The following HTR1F variants were observed in gnomAD, a reference collection of about 807,000 sequenced individuals.
HTR1F encodes 5-hydroxytryptamine receptor 1F.
HTR1F carries 17 observed loss-of-function variants against 24.0 expected under a neutral mutation model. The ratio of observed to expected loss-of-function variants is 0.71; its 90% CI spans 0.48 to 1.06. The LOEUF is 1.06. Ranked by LOEUF, HTR1F falls within the 50% of genes least tolerant of loss-of-function variation. The pLI is 0.00. For missense variants in HTR1F, 391 were observed against 427.8 expected (o/e 0.91, Z 0.76); for synonymous variants, 186 against 156.8 (o/e 1.19, Z -1.39).
intron 2 of HTR1F, among the ~76,000 whole-genome samples, chr3:87,877,079 T>C (rs1705687074): frequency 6.6e-6 from 1 of 152,142 alleles, no homozygotes. Flanking sequence ...ATAGGGTCAT[T>C]CTATTTATTT....
At chr3:87,977,224 C>T (rs1487770590) in intron 2 of HTR1F, among the ~76,000 whole-genome samples, 3 of 152,082 alleles carry the variant, frequency 2.0e-5, no homozygotes, top group East Asian at 1.9e-4. Flanking sequence ...CTATTATCAA[C>T]ATTAACCACA....
intron 2 of HTR1F, among the ~76,000 whole-genome samples, chr3:87,934,944 C>T (rs987250964): frequency 3.3e-5 from 5 of 152,188 alleles, no homozygotes; most frequent in African/African-American, 1.2e-4. Context: ...CAGCTCACTG[C>T]AGCCTTGACC....
chr3:87,862,003 T>G (rs532979991), intron 2 of HTR1F, among the ~76,000 whole-genome samples: 1 of 152,248 alleles, frequency 6.6e-6, no homozygotes, highest in South Asian at 2.1e-4. Context: ...CACAATCAAA[T>G]GTTATAACTT....
chr3:87,883,256 AC>A (rs1173469223), intron 2 of HTR1F, among the ~76,000 whole-genome samples: 1 of 152,194 alleles, frequency 6.6e-6, no homozygotes, highest in East Asian at 1.9e-4. Flanking sequence ...AAACTAACAA[AC>A]AGAAAGGAAT....
chr3:87,921,231 T>C (rs927591596), intron 2 of HTR1F, among the ~76,000 whole-genome samples: 1 of 152,016 alleles, frequency 6.6e-6, no homozygotes, highest in African/African-American at 2.4e-5. Flanking sequence ...TAATTGAACA[T>C]GACAGGGCAT....
chr3:87,824,936 C>A (rs1197941119), intron 2 of HTR1F, among the ~76,000 whole-genome samples: 1 of 152,138 alleles, frequency 6.6e-6, no homozygotes, highest in Non-Finnish European at 1.5e-5. Flanking sequence ...CCCTCTCTAG[C>A]TTCTGAATTT....
intron 2 of HTR1F, among the ~76,000 whole-genome samples, chr3:87,927,985 T>G (rs1704167988): frequency 6.6e-6 from 1 of 152,072 alleles, no homozygotes; most frequent in Non-Finnish European, 1.5e-5. Flanking sequence ...AACAAATGAT[T>G]TCATAAATCA....
At chr3:87,927,382 A>G (rs1704151681) in intron 2 of HTR1F, among the ~76,000 whole-genome samples, 1 of 152,196 alleles carries the variant, frequency 6.6e-6, no homozygotes, top group African/African-American at 2.4e-5. Flanking sequence ...ACTTCTTAAT[A>G]TTTTAAAAAT....
intron 1 of HTR1F, among the ~76,000 whole-genome samples, chr3:87,798,503 C>A (rs1703942398): frequency 6.6e-6 from 1 of 151,920 alleles, no homozygotes; most frequent in South Asian, 2.1e-4. Flanking sequence ...ATAAAACCAG[C>A]AGAAAAACAG....
At chr3:87,821,594 C>A (rs1300326391) in intron 1 of HTR1F, among the ~76,000 whole-genome samples, 1 of 152,118 alleles carries the variant, frequency 6.6e-6, no homozygotes, top group Non-Finnish European at 1.5e-5. Context: ...TATTTGATAA[C>A]ACTGTTCATG....
chr3:87,801,467 A>G (rs1394763560), intron 1 of HTR1F, among the ~76,000 whole-genome samples: 1 of 152,216 alleles, frequency 6.6e-6, no homozygotes, highest in Non-Finnish European at 1.5e-5. Context: ...CATGTGCCCA[A>G]GGTGGTCGGG....
chr3:87,903,088 C>G (rs1706368483), intron 2 of HTR1F, among the ~76,000 whole-genome samples: 2 of 152,090 alleles, frequency 1.3e-5, no homozygotes, highest in South Asian at 4.1e-4. Context: ...AAAGCTGAAA[C>G]TGGATCCCTT....
rs1704940239 is a variant in HTR1F at position 87,956,227 on chromosome 3, AT to A, written c.-42-34479del. 2.0e-5 allele frequency among the ~76,000 whole-genome samples: 3 copies of A among 151,482 alleles called. No individual in the cohort carries two copies. In the South Asian group the frequency reaches 6.2e-4, roughly 31 times the overall value. Reference sequence around the variant, plus strand: ...GTTAATTTTTGTGTATCTGTAAAGAATTGATAATCATTATTTTTAATATGGA... The same window carrying A: ...GTTAATTTTTGTGTATCTGTAAAGAATGATAATCATTATTTTTAATATGGA... On this transcript the variant is annotated intron_variant, in intron 2 of 2. Coordinates refer to ENST00000319595, the MANE Select transcript of HTR1F (RefSeq NM_001322209.2).
intron 2 of HTR1F, among the ~76,000 whole-genome samples, chr3:87,927,812 T>C (rs1040707230): frequency 2.6e-5 from 4 of 152,160 alleles, no homozygotes; most frequent in Non-Finnish European, 5.9e-5. Flanking sequence ...AGACAGATGC[T>C]ATCATTCTTC....
intron 2 of HTR1F, among the ~76,000 whole-genome samples, chr3:87,982,018 C>T (rs1484341418): frequency 6.6e-6 from 1 of 152,004 alleles, no homozygotes; most frequent in East Asian, 1.9e-4. Context: ...TGCAACTCCA[C>T]CTCAAGCAGT....
intron 2 of HTR1F, among the ~76,000 whole-genome samples, chr3:87,982,201 G>C (rs1012656600): frequency 2.0e-5 from 3 of 152,116 alleles, no homozygotes; most frequent in African/African-American, 4.8e-5. Context: ...GGGATTACAG[G>C]CATAAGCCAC....
In HTR1F at chr3:87,898,128, A is replaced by C. The variant is rs574952765; in HGVS notation, c.-43+76004A>C. Among the ~76,000 whole-genome samples the C allele has an allele frequency of 2.8e-4, 43 of 152,302 alleles. 1 individual carries two copies. In the South Asian group the frequency reaches 8.7e-3, roughly 31 times the overall value. On this transcript the variant is annotated intron_variant, in intron 2 of 2. Coordinates refer to ENST00000319595, the MANE Select transcript of HTR1F (RefSeq NM_001322209.2). ...GATGGGTGTAGGTAAGACAGAGTGGAAATCCCCTTACAGTATTACCAAGGA... is the reference window on the plus strand; with the variant it reads ...GATGGGTGTAGGTAAGACAGAGTGGCAATCCCCTTACAGTATTACCAAGGA...
chr3:87,884,709 TAAAACAGACTTTAAACC>T (rs1705894356), intron 2 of HTR1F, among the ~76,000 whole-genome samples: 1 of 152,040 alleles, frequency 6.6e-6, no homozygotes, highest in South Asian at 2.1e-4. Context: ...CGTAGTCTGA[TAAAACAGACTTTAAACC>T]AACAAAGATC....
At chr3:87,979,101 AAGGAAGGG>A (rs1705482992) in intron 2 of HTR1F, among the ~76,000 whole-genome samples, 1 of 10,322 alleles carries the variant, frequency 9.7e-5, no homozygotes, top group African/African-American at 2.6e-4. Flanking sequence ...GGAAGGAAGG[AAGGAAGGG>A]AGGAAGGAAG....
Sources: gnomAD v4.1 joint callset for allele counts (sites outside exome capture counted in the v4.1 genomes callset) on GRCh38, gnomAD v4.1.1 for gene constraint, MANE v1.5 for transcripts, NCBI Gene and HGNC (gene_info 2026-07-23, HGNC 2026-07-21) for gene names.